PHF21B: variants seen among roughly 807,000 people sequenced by gnomAD.
PHF21B encodes PHD finger protein 4.
PHF21B carries 22 observed loss-of-function variants against 62.2 expected under a neutral mutation model. The observed-to-expected ratio is 0.35, with a 90% CI of 0.25 to 0.51. The LOEUF (loss-of-function observed/expected upper bound fraction) is 0.51, where lower values mean the gene tolerates loss of function less well. Ranked by LOEUF, PHF21B falls within the 20% of genes least tolerant of loss-of-function variation. PHF21B has a pLI of 0.97. For missense variants in PHF21B, 701 were observed against 707.9 expected (o/e 0.99, Z 0.11); for synonymous variants, 341 against 314.7 (o/e 1.08, Z -0.88).
At chr22:44,911,844 A>G (rs1018199429) in intron 5 of PHF21B, among the ~76,000 whole-genome samples, 2 of 152,156 alleles carry the variant, frequency 1.3e-5, no homozygotes, top group African/African-American at 4.8e-5. Flanking sequence ...CCAGAATGAT[A>G]GATCCACCAA....
chr22:44,895,448 T>C (rs1250851709), intron 6 of PHF21B, among the ~76,000 whole-genome samples: 2 of 152,168 alleles, frequency 1.3e-5, no homozygotes, highest in African/African-American at 4.8e-5. Flanking sequence ...ACTGTTCCAA[T>C]TTTCACGGAC....
At chr22:44,976,791 G>A (rs762797825) in intron 2 of PHF21B, among the ~76,000 whole-genome samples, 7 of 152,208 alleles carry the variant, frequency 4.6e-5, no homozygotes, top group Non-Finnish European at 7.3e-5. Context: ...GTTCTAAAAC[G>A]TGTAACATTT....
At chr22:44,963,184 G>T (rs1382513616) in intron 2 of PHF21B, among the ~76,000 whole-genome samples, 1 of 152,200 alleles carries the variant, frequency 6.6e-6, no homozygotes, top group African/African-American at 2.4e-5. Flanking sequence ...GAACAGAGGG[G>T]AAACCTCATG....
chr22:44,975,802 C>A (rs2072727529), intron 2 of PHF21B, among the ~76,000 whole-genome samples: 2 of 152,340 alleles, frequency 1.3e-5, no homozygotes, highest in South Asian at 4.1e-4. Flanking sequence ...ACTTCCAACT[C>A]GCCCAGGAGA....
At chr22:44,920,345 G>T in intron 3 of PHF21B, 53 bp downstream of exon 3, 1 of 1,452,218 alleles carries the variant, frequency 6.9e-7, no homozygotes, top group South Asian at 1.3e-5. Flanking sequence ...TAGGAACAGA[G>T]ACTGCGGGGA....
At chr22:44,928,481 C>T (rs1277595961) in intron 2 of PHF21B, among the ~76,000 whole-genome samples, 3 of 152,232 alleles carry the variant, frequency 2.0e-5, no homozygotes, top group Non-Finnish European at 4.4e-5. Context: ...GTGATCTTGG[C>T]TCACTGCAAC....
At chr22:44,890,784 G>A (rs148385328) in intron 8 of PHF21B, among the ~76,000 whole-genome samples, 1 of 152,258 alleles carries the variant, frequency 6.6e-6, no homozygotes, top group Non-Finnish European at 1.5e-5. Flanking sequence ...CCAGCCTGAA[G>A]ATCTGGCCCA....
At chr22:44,980,153 C>T (rs1431642167) in intron 2 of PHF21B, among the ~76,000 whole-genome samples, 3 of 150,778 alleles carry the variant, frequency 2.0e-5, no homozygotes, top group Non-Finnish European at 4.4e-5. Flanking sequence ...ACTCCATTTG[C>T]GAAGCTGTGC....
chr22:45,009,102 C>G lies in PHF21B; in HGVS notation c.54+394G>C, dbSNP rs2073379480. On this transcript the variant is annotated intron_variant, in intron 1 of 12. Coordinates refer to ENST00000313237, the MANE Select transcript of PHF21B (RefSeq NM_138415.5). The surrounding 1 kb of genome is among the most constrained non-coding windows in gnomAD (Gnocchi z 5.9). ...CCAGCAGCGATCGCCAAAACTACTT[C>G]TGCACACCGGGCAGGTTCGCCCGGG... 1 of 999,318 alleles carries G rather than the reference C, an allele frequency of 1.0e-6. No individual in the cohort carries two copies. Among genetic ancestry groups the G allele is most frequent in the African/African-American group, 1.7e-5 (1 of 58,792 alleles). 61.9% of individuals were successfully genotyped at this position (999,318 alleles called of 1,614,324 possible).
chr22:45,007,437 GC>G, intron 2 of PHF21B, among the ~76,000 whole-genome samples: 1 of 146,244 alleles, frequency 6.8e-6, no homozygotes, highest in Admixed American at 6.7e-5. Flanking sequence ...GCGGGGGCAG[GC>G]CCGGGCGGGG....
At chr22:44,906,532 A>G (rs2071253609) in intron 5 of PHF21B, among the ~76,000 whole-genome samples, 1 of 152,236 alleles carries the variant, frequency 6.6e-6, no homozygotes, top group Non-Finnish European at 1.5e-5. Flanking sequence ...GAGGGCAGCC[A>G]GACTCATTCA....
rs145568456 is a variant in PHF21B at position 44,885,128 on chromosome 22, G to C, written c.1377+298C>G. Among the ~76,000 whole-genome samples the C allele has an allele frequency of 2.4e-3, 372 of 152,370 alleles. 6 individuals are homozygous for C. The East Asian group carries it at 0.041, about 17-fold the overall frequency. On this transcript the variant is annotated intron_variant, in intron 12 of 12. Coordinates refer to ENST00000313237, the MANE Select transcript of PHF21B (RefSeq NM_138415.5). ...TTGCTGGGGGATGCTTGGTGAGTCT[G>C]TCTTCTTCCTAGGCCTTACAGGTGA...
rs1415096614 is a variant in PHF21B, at chr22:44,882,831, G to A, written c.*255C>T. 3 of 465,826 alleles carry A rather than the reference G, an allele frequency of 6.4e-6. No individual in the cohort carries two copies. The highest frequency in any genetic ancestry group is 1.1e-5 in the Non-Finnish European group (3 of 263,770). 28.9% of individuals were successfully genotyped at this position (465,826 alleles called of 1,614,324 possible). A position where few individuals can be genotyped will look rare whatever the true frequency, so the allele number is the denominator to read the frequency against. On this transcript the variant is annotated 3_prime_UTR_variant, in exon 13 of 13. Transcript: ENST00000313237. The stretch of plus-strand genomic sequence containing the variant: ...CAGGCAGCCCCGAGGTGGCCGGGGG[G>A]AGACTGTGTGCCCCAGCCTGTCGTA...
intron 2 of PHF21B, among the ~76,000 whole-genome samples, chr22:44,931,643 G>T (rs5845682): frequency 1.2e-3 from 63 of 52,764 alleles, no homozygotes; most frequent in Middle Eastern, 8.9e-3. Context: ...GTGATCTTGG[G>T]GGGGGGGTGT....
At chr22:44,963,264 C>T (rs947091556) in intron 2 of PHF21B, among the ~76,000 whole-genome samples, 1 of 151,994 alleles carries the variant, frequency 6.6e-6, no homozygotes, top group Non-Finnish European at 1.5e-5. Flanking sequence ...ACACTGGTGA[C>T]GGAGGGCGAC....
At position 44,960,436 on chromosome 22, in the gene PHF21B, C is replaced by T. The variant is rs140991264; in HGVS notation, c.121-39946G>A. Reference sequence around the variant, plus strand: ...TCAACGACTATGGTCACCTGCTCCCCAGGTCGTCGCCCAACCCTCCACTGG... The same window carrying T: ...TCAACGACTATGGTCACCTGCTCCCTAGGTCGTCGCCCAACCCTCCACTGG... On this transcript the variant is annotated intron_variant, in intron 2 of 12. Transcript: ENST00000313237. Among the ~76,000 whole-genome samples the T allele has an allele frequency of 4.2e-3, 640 of 152,292 alleles. 2 individuals are homozygous for T. The highest frequency in any genetic ancestry group is 0.014 in the African/African-American group (600 of 41,562).
intron 7 of PHF21B, among the ~76,000 whole-genome samples, chr22:44,892,316 G>A (rs1021660780): frequency 1.3e-4 from 20 of 152,242 alleles, no homozygotes; most frequent in African/African-American, 4.3e-4. Flanking sequence ...CTCAGAACAG[G>A]AGCGGGGCAG....
At chr22:44,947,991 C>T (rs1246017836) in intron 2 of PHF21B, among the ~76,000 whole-genome samples, 1 of 152,054 alleles carries the variant, frequency 6.6e-6, no homozygotes, top group East Asian at 1.9e-4. Flanking sequence ...CGCTGTTGTC[C>T]CTCCTCCCCG....
chr22:44,942,027 G>A (rs1348715037), intron 2 of PHF21B, among the ~76,000 whole-genome samples: 1 of 152,190 alleles, frequency 6.6e-6, no homozygotes, highest in Non-Finnish European at 1.5e-5. Context: ...GACATGGCCC[G>A]AGGCCCAGTG....
Sources: gnomAD v4.1 joint callset for allele counts (sites outside exome capture counted in the v4.1 genomes callset) on GRCh38, gnomAD v4.1.1 for gene constraint, Gnocchi (gnomAD v3.1) non-coding constraint, MANE v1.5 for transcripts, NCBI Gene and HGNC (gene_info 2026-07-23, HGNC 2026-07-21) for gene names.